The following RERE variants were observed in gnomAD, a reference collection of about 807,000 sequenced individuals.
RERE encodes arginine-glutamic acid dipeptide repeats.
Under a neutral mutation model 146.1 loss-of-function variants are expected in RERE, and 40 were observed. That is an observed-to-expected ratio of 0.27 (90% CI 0.21 to 0.36). The LOEUF (loss-of-function observed/expected upper bound fraction) is 0.36, where lower values mean the gene tolerates loss of function less well. Ranked by LOEUF, RERE falls within the 10% of genes least tolerant of loss-of-function variation. The probability of loss-of-function intolerance (pLI) is 1.00; values close to 1 mark genes in which losing one functional copy is unlikely to be tolerated. For synonymous variants in RERE, 1,003 were observed against 866.0 expected, an observed-to-expected ratio of 1.16 and a Z score of -2.78; for missense variants, 1,933 against 2,138.7, an observed-to-expected ratio of 0.90 and a Z score of 1.90.
At chr1:8,567,009 T>C (rs1376410998) in intron 4 of RERE, among the ~76,000 whole-genome samples, 1 of 152,172 alleles carries the variant, frequency 6.6e-6, no homozygotes, top group East Asian at 1.9e-4. Context: ...CAGGATGGTC[T>C]TGATCTCCAG....
chr1:8,737,723 A>G (rs958052552), intron 1 of RERE, among the ~76,000 whole-genome samples: 3 of 152,080 alleles, frequency 2.0e-5, no homozygotes, highest in Non-Finnish European at 4.4e-5. Flanking sequence ...GGTGTGAGCC[A>G]CCACACGTGG....
intron 12 of RERE, among the ~76,000 whole-genome samples, chr1:8,411,638 T>C (rs1473092441): frequency 1.3e-5 from 2 of 152,234 alleles, no homozygotes; most frequent in Admixed American, 1.3e-4. Context: ...ATACATGACA[T>C]GGAAACAAAT....
intron 1 of RERE, among the ~76,000 whole-genome samples, chr1:8,757,090 C>CAAAAAAAAAAAAA (rs34237128): frequency 1.7e-5 from 1 of 59,496 alleles, no homozygotes; most frequent in Non-Finnish European, 3.4e-5. Context: ...AACTCCATCT[C>CAAAAAAAAAAAAA]AAAAAAAAAA....
At chr1:8,537,239 T>G (rs565592784) in intron 7 of RERE, among the ~76,000 whole-genome samples, 1 of 152,134 alleles carries the variant, frequency 6.6e-6, no homozygotes, top group East Asian at 1.9e-4. Flanking sequence ...TTACTTAAAT[T>G]TCATGGCTAG....
At chr1:8,577,859 C>T (rs889329991) in intron 4 of RERE, among the ~76,000 whole-genome samples, 6 of 152,104 alleles carry the variant, frequency 3.9e-5, no homozygotes, top group Non-Finnish European at 7.4e-5. Context: ...CTTGGGAGGC[C>T]GAGATGGGCG....
chr1:8,507,740 T>TTTTTTA (rs1645275259), intron 8 of RERE, among the ~76,000 whole-genome samples: 1 of 124,526 alleles, frequency 8.0e-6, no homozygotes, highest in African/African-American at 3.3e-5. Flanking sequence ...CTTTTATCTT[T>TTTTTTA]TTTTTTTTTT....
At position 8,624,515 on chromosome 1, in the gene RERE, T is replaced by C. The variant is rs1208637704; in HGVS notation, c.326-135A>G. 3 of 599,272 alleles carry C rather than the reference T, an allele frequency of 5.0e-6. No individual in the cohort carries two copies. In the African/African-American group the frequency reaches 5.7e-5, roughly 11 times the overall value. The allele number at this position is 599,272 out of a possible 1,614,324, so 37.1% of individuals were successfully genotyped here. The stretch of plus-strand genomic sequence containing the variant: ...ATTGTAAATTTTTTCCAAAAGATGA[T>C]ATTAAATTGCAAATATCTTTAGGCT... On this transcript the variant is annotated intron_variant, in intron 2 of 22. Transcript: ENST00000400908.
Position 8,360,702 on chromosome 1 carries a change from G to A in RERE, c.2805C>T (p.Pro935=). The change falls in exon 18 of 23, where the codon CCC becomes CCT. Residue 935 remains proline, a synonymous_variant. Coordinates refer to ENST00000400908, the MANE Select transcript of RERE (RefSeq NM_001042681.2). ...MPHIKPPPTT[P]IPQLPAPQAH... ...CCTGTGGCGCCGGCAGCTGGGGGAT[G>A]GGAGTGGTAGGCGGGGGCTTGATGT... 1 of 1,571,928 alleles carries A rather than the reference G, an allele frequency of 6.4e-7. No homozygotes were observed. The highest frequency in any genetic ancestry group is 8.6e-7 in the Non-Finnish European group (1 of 1,159,968).
At chr1:8,486,650 G>A (rs1468567013) in intron 10 of RERE, among the ~76,000 whole-genome samples, 12 of 145,462 alleles carry the variant, frequency 8.2e-5, no homozygotes, top group Admixed American at 3.5e-4. Context: ...AAACAAACGG[G>A]AAAAAATAAT....
In RERE at chr1:8,687,350, C is replaced by T. The variant is rs528556775; in HGVS notation, c.-144-30909G>A. Among the ~76,000 whole-genome samples the T allele has an allele frequency of 5.3e-5, 8 of 152,258 alleles. No homozygotes were observed. The South Asian group carries it at 1.5e-3, about 28-fold the overall frequency. ...CTGCAGAAGGGCTCTTAAGACTGTT[C>T]TGATTTTCTCATGCAAGTAGGAAGC... On this transcript the variant is annotated intron_variant, in intron 1 of 22. Transcript: ENST00000400908.
At chr1:8,564,860 GTGTGTGTGTGTATATATA>G (rs1646132470) in intron 4 of RERE, among the ~76,000 whole-genome samples, 1 of 132,334 alleles carries the variant, frequency 7.6e-6, no homozygotes, top group Non-Finnish European at 1.6e-5. Flanking sequence ...GTGTGTGTGT[GTGTGTGTGTGTATATATA>G]TATATAAAAC....
intron 12 of RERE, among the ~76,000 whole-genome samples, chr1:8,389,890 A>G (rs1321712756): frequency 1.1e-4 from 17 of 152,158 alleles, no homozygotes; most frequent in Admixed American, 1.1e-3. Flanking sequence ...CAAACAGTTC[A>G]TCACCTCCAA....
chr1:8,725,383 T>A (rs965071937), intron 1 of RERE, among the ~76,000 whole-genome samples: 1 of 152,120 alleles, frequency 6.6e-6, no homozygotes, highest in Non-Finnish European at 1.5e-5. Flanking sequence ...CTGACCAACA[T>A]GGTAAAGCCC....
At chr1:8,636,918 G>A (rs1046910975) in intron 2 of RERE, among the ~76,000 whole-genome samples, 5 of 152,082 alleles carry the variant, frequency 3.3e-5, no homozygotes, top group African/African-American at 1.2e-4. Flanking sequence ...CACACCTCCT[G>A]ATTCACAGTT....
At position 8,413,118 on chromosome 1, in the gene RERE, A is replaced by AAC. The variant is rs138429688; in HGVS notation, c.1284+9607_1284+9608dup. Reference sequence around the variant, plus strand: ...CGAACCTATTATTTATACATGCGTGAACACACACACACATACTTCATTTTA... The same window carrying AAC: ...CGAACCTATTATTTATACATGCGTGAACACACACACACACATACTTCATTTTA... On this transcript the variant is annotated intron_variant, in intron 12 of 22. Transcript: ENST00000400908. Among the ~76,000 whole-genome samples, 5 of 152,098 alleles carry AAC rather than the reference A, an allele frequency of 3.3e-5. No homozygotes were observed. In the East Asian group the frequency reaches 9.7e-4, roughly 29 times the overall value.
At chr1:8,445,720 C>T (rs1644308474) in intron 11 of RERE, among the ~76,000 whole-genome samples, 1 of 151,744 alleles carries the variant, frequency 6.6e-6, no homozygotes, top group Non-Finnish European at 1.5e-5. Context: ...ATGGGCAGAA[C>T]GTGCAGGTTT....
At chr1:8,518,518 T>A (rs1357033300) in intron 7 of RERE, among the ~76,000 whole-genome samples, 2 of 152,236 alleles carry the variant, frequency 1.3e-5, no homozygotes, top group Non-Finnish European at 2.9e-5. Context: ...TTAGAAACGC[T>A]ACTTAGTACA....
chr1:8,635,977 CTTATTT>C (rs1428046165), intron 2 of RERE, among the ~76,000 whole-genome samples: 2 of 136,824 alleles, frequency 1.5e-5, no homozygotes, highest in East Asian at 4.3e-4. Flanking sequence ...CTTATCTTAT[CTTATTT>C]TATTTTATTT....
intron 12 of RERE, among the ~76,000 whole-genome samples, chr1:8,399,916 C>CAA (rs1643190761): frequency 6.6e-6 from 1 of 150,942 alleles, no homozygotes; most frequent in Non-Finnish European, 1.5e-5. Flanking sequence ...TTTTAAGAGA[C>CAA]AGAGTCTCAC....
Sources: gnomAD v4.1 joint callset for allele counts (sites outside exome capture counted in the v4.1 genomes callset) on GRCh38, gnomAD v4.1.1 for gene constraint, MANE v1.5 for transcripts, NCBI Gene and HGNC (gene_info 2026-07-23, HGNC 2026-07-21) for gene names.